Variants in SGCZ observed in about 807,000 individuals in gnomAD.
SGCZ encodes the protein sarcoglycan zeta, also known as zeta-sarcoglycan.
SGCZ carries 40 observed loss-of-function variants against 41.3 expected under a neutral mutation model. That is an observed-to-expected ratio of 0.97 (90% CI 0.75 to 1.26). SGCZ has a LOEUF of 1.26. Among genes scored for constraint, SGCZ ranks in the 50% most tolerant of loss-of-function variants. The probability of loss-of-function intolerance (pLI) is 0.00; values close to 1 mark genes in which losing one functional copy is unlikely to be tolerated. For synonymous variants in SGCZ, 206 were observed against 137.5 expected, an observed-to-expected ratio of 1.50 and a Z score of -3.49; for missense variants, 552 against 369.8, an observed-to-expected ratio of 1.49 and a Z score of -4.04.
chr8:14,760,335 A>G (rs1487092986), intron 1 of SGCZ, among the ~76,000 whole-genome samples: 2 of 152,200 alleles, frequency 1.3e-5, no homozygotes, highest in East Asian at 1.9e-4. Flanking sequence ...TCAGTTAACA[A>G]TCCGATGGAA....
At chr8:14,497,129 T>C (rs999924531) in intron 2 of SGCZ, among the ~76,000 whole-genome samples, 6 of 152,180 alleles carry the variant, frequency 3.9e-5, no homozygotes, top group Admixed American at 3.3e-4. Context: ...TCAGGGGTTG[T>C]GTTAGTCCAT....
intron 1 of SGCZ, among the ~76,000 whole-genome samples, chr8:14,726,944 G>A (rs951879808): frequency 1.3e-5 from 2 of 151,888 alleles, no homozygotes; most frequent in African/African-American, 4.8e-5. Flanking sequence ...AATCATGAAG[G>A]CAAATTCTGA....
intron 1 of SGCZ, among the ~76,000 whole-genome samples, chr8:15,073,859 C>T (rs534239640): frequency 6.6e-6 from 1 of 152,274 alleles, no homozygotes; most frequent in Non-Finnish European, 1.5e-5. Context: ...TAACTAACTA[C>T]ATATTGCTCT....
chr8:14,090,644 GA>G lies in SGCZ; in HGVS notation c.745-8del. The G allele has an allele frequency of 6.2e-7, 1 of 1,603,602 alleles. No homozygotes were observed. Among genetic ancestry groups the G allele is most frequent in the Middle Eastern group, 2.1e-4 (1 of 4,850 alleles). The stretch of plus-strand genomic sequence containing the variant: ...TCTCTGCATTTAAAAATATCTATGG[GA>G]AAAAAGAAATTGCATTTTAATTCAT... On this transcript the variant is annotated splice_polypyrimidine_tract_variant and splice_region_variant and intron_variant, in intron 7 of 7. Transcript: ENST00000382080.
At chr8:15,079,210 C>T (rs1044639114) in intron 1 of SGCZ, among the ~76,000 whole-genome samples, 1 of 152,120 alleles carries the variant, frequency 6.6e-6, no homozygotes, top group African/African-American at 2.4e-5. Context: ...TATTCACTAC[C>T]AGTCTTTATT....
chr8:14,659,431 C>T (rs1469840023), intron 1 of SGCZ, among the ~76,000 whole-genome samples: 3 of 151,962 alleles, frequency 2.0e-5, no homozygotes, highest in Non-Finnish European at 4.4e-5. Context: ...TAATTCTATC[C>T]TTTTCTCAAA....
chr8:14,824,031 A>G (rs1054764024), intron 1 of SGCZ, among the ~76,000 whole-genome samples: 2 of 151,936 alleles, frequency 1.3e-5, no homozygotes, highest in East Asian at 1.9e-4. Flanking sequence ...TCTAAAGGGA[A>G]AAAAAAAGGT....
chr8:14,363,646 C>T (rs7831683), intron 2 of SGCZ, among the ~76,000 whole-genome samples: 1 of 151,994 alleles, frequency 6.6e-6, no homozygotes, highest in Non-Finnish European at 1.5e-5. Context: ...AAGTAAGGAG[C>T]ATTCAATCCT....
intron 1 of SGCZ, among the ~76,000 whole-genome samples, chr8:15,201,294 G>A (rs777092998): frequency 2.6e-5 from 4 of 152,218 alleles, no homozygotes; most frequent in South Asian, 2.1e-4. Context: ...TGGGATTACA[G>A]GCGTGAGCCC....
intron 1 of SGCZ, among the ~76,000 whole-genome samples, chr8:14,654,524 G>A (rs980126145): frequency 1.3e-5 from 2 of 152,062 alleles, no homozygotes; most frequent in Non-Finnish European, 2.9e-5. Flanking sequence ...ATAAATATGA[G>A]CTTTACTACT....
At chr8:14,776,101 G>T (rs1414016824) in intron 1 of SGCZ, among the ~76,000 whole-genome samples, 1 of 152,290 alleles carries the variant, frequency 6.6e-6, no homozygotes, top group East Asian at 1.9e-4. Context: ...AGAAAAAAGT[G>T]AACTCTTAAT....
intron 1 of SGCZ, among the ~76,000 whole-genome samples, chr8:14,749,586 G>A (rs1407111009): frequency 6.6e-6 from 1 of 152,020 alleles, no homozygotes; most frequent in Non-Finnish European, 1.5e-5. Context: ...GATGATAGTG[G>A]TCTATTCTGG....
chr8:14,674,750 C>A (rs1231140825), intron 1 of SGCZ, among the ~76,000 whole-genome samples: 1 of 151,574 alleles, frequency 6.6e-6, no homozygotes, highest in Non-Finnish European at 1.5e-5. Flanking sequence ...CTCAAGAGAT[C>A]TGATCATTTA....
intron 1 of SGCZ, among the ~76,000 whole-genome samples, chr8:14,858,728 A>G (rs199732395): frequency 4.6e-5 from 7 of 152,148 alleles, no homozygotes; most frequent in Non-Finnish European, 1.0e-4. Flanking sequence ...TACATTGGTC[A>G]TCTGGAAAAT....
chr8:14,455,237 A>C (rs1394258900), intron 2 of SGCZ, among the ~76,000 whole-genome samples: 1 of 152,190 alleles, frequency 6.6e-6, no homozygotes, highest in African/African-American at 2.4e-5. Context: ...ACAATTTATA[A>C]ATTAATATTT....
At chr8:14,125,512 A>AG (rs1041887344) in intron 5 of SGCZ, among the ~76,000 whole-genome samples, 3 of 146,634 alleles carry the variant, frequency 2.0e-5, no homozygotes, top group African/African-American at 7.4e-5. Context: ...TCAAAAAAAA[A>AG]AAAAAGAAGA....
intron 1 of SGCZ, among the ~76,000 whole-genome samples, chr8:15,076,562 G>A (rs141886890): frequency 1.3e-5 from 2 of 152,196 alleles, no homozygotes; most frequent in Non-Finnish European, 2.9e-5. Flanking sequence ...TAGGCTTTTA[G>A]CTTTCATTTC....
At chr8:14,143,988 C>T (rs1253644035) in intron 5 of SGCZ, among the ~76,000 whole-genome samples, 1 of 152,130 alleles carries the variant, frequency 6.6e-6, no homozygotes, top group Non-Finnish European at 1.5e-5. Flanking sequence ...ATCCCAGTGA[C>T]CCAAACTTCA....
chr8:14,632,021 T>G (rs1806672062), intron 1 of SGCZ, among the ~76,000 whole-genome samples: 1 of 143,666 alleles, frequency 7.0e-6, no homozygotes. Flanking sequence ...TTATTTTATT[T>G]TATTTATTTA....
Sources: allele counts gnomAD v4.1 joint callset (sites outside exome capture counted in the v4.1 genomes callset), GRCh38; gene constraint gnomAD v4.1.1; transcripts MANE v1.5; gene names NCBI Gene and HGNC (gene_info 2026-07-23, HGNC 2026-07-21).